Variants in LAMA3 observed in about 807,000 individuals in gnomAD.
The protein encoded by LAMA3 is laminin subunit alpha 3.
A neutral mutation model predicts 402.0 loss-of-function variants in LAMA3; 281 were observed. The ratio of observed to expected loss-of-function variants is 0.70; its 90% CI spans 0.63 to 0.77. The LOEUF (loss-of-function observed/expected upper bound fraction) is 0.77. LAMA3 is among the 30% of genes least tolerant of loss of function. The pLI is 0.00. For missense variants in LAMA3, 3,840 were observed against 4,215.5 expected, an observed-to-expected ratio of 0.91 and a Z score of 2.47; for synonymous variants, 1,431 against 1,558.4, an observed-to-expected ratio of 0.92 and a Z score of 1.93.
Position 23,816,597 on chromosome 18 carries a change from G to A in LAMA3, c.2147+110G>A, listed in dbSNP as rs572511616. On this transcript the variant is annotated intron_variant, in intron 18 of 74. Coordinates refer to ENST00000313654, the MANE Select transcript of LAMA3 (RefSeq NM_198129.4). Reference sequence around the variant, plus strand: ...GAGAGAAGCAGCCCTAAAGATCGAGGTCAGGGGAAGCTGTCCTATGTCAAT... The same window carrying A: ...GAGAGAAGCAGCCCTAAAGATCGAGATCAGGGGAAGCTGTCCTATGTCAAT... The A allele has an allele frequency of 5.8e-6, 5 of 861,516 alleles. No homozygotes were observed. In the Admixed American group the frequency reaches 5.9e-5, roughly 10 times the overall value. The allele number at this position is 861,516 out of a possible 1,614,324, so 53.4% of individuals were successfully genotyped here.
chr18:23,737,042 C>T (rs192628286), intron 2 of LAMA3, among the ~76,000 whole-genome samples: 1 of 152,206 alleles, frequency 6.6e-6, no homozygotes, highest in African/African-American at 2.4e-5. Flanking sequence ...CTAGTCCCCT[C>T]CTCCAGTGGG....
At chr18:23,761,070 T>C (rs2061958150) in intron 7 of LAMA3, among the ~76,000 whole-genome samples, 1 of 152,220 alleles carries the variant, frequency 6.6e-6, no homozygotes, top group Admixed American at 6.5e-5. Flanking sequence ...TAGTATTTTA[T>C]ACATACTTTA....
intron 8 of LAMA3, among the ~76,000 whole-genome samples, chr18:23,764,841 G>T (rs1247706871): frequency 6.6e-6 from 1 of 152,158 alleles, no homozygotes; most frequent in Non-Finnish European, 1.5e-5. Context: ...CAAGGAAAGA[G>T]TTCTGCTTCT....
At chr18:23,932,116 T>C (rs2082177718) in intron 65 of LAMA3, 44 bp from the exon 66 acceptor site, 1 of 1,612,336 alleles carries the variant, frequency 6.2e-7, no homozygotes, top group Non-Finnish European at 8.5e-7. Context: ...AGGGCCCTTT[T>C]TTCCAGCAGT....
intron 50 of LAMA3, 142 bp downstream of exon 50, chr18:23,904,229 C>G: frequency 1.1e-6 from 1 of 925,220 alleles, no homozygotes; most frequent in Non-Finnish European, 1.7e-6. Context: ...GCCAATGCCC[C>G]AGGCCCAAGT....
chr18:23,775,897 G>A lies in LAMA3; in HGVS notation c.1379G>A (p.Gly460Glu), dbSNP rs1022044696. 8 of 1,613,940 alleles carry A rather than the reference G, an allele frequency of 5.0e-6. No individual in the cohort carries two copies. The highest frequency in any genetic ancestry group is 6.8e-6 in the Non-Finnish European group (8 of 1,179,996). Residue 460 changes from glycine to glutamate, a missense_variant, in exon 10 of 75, where the codon GGA becomes GAA. Coordinates refer to ENST00000313654, the MANE Select transcript of LAMA3 (RefSeq NM_198129.4). ...GACAACTGTGAGAAGTGTGCAATTG[G>A]ATACTACAATTTCCCATTTTGCTTG... The part of the protein sequence containing the change: ...HGDNCEKCAI[G>E]YYNFPFCLRI...
intron 2 of LAMA3, 90 bp from the exon 3 acceptor site, chr18:23,747,853 G>C (rs1598709852): frequency 2.4e-6 from 2 of 819,724 alleles, no homozygotes; most frequent in East Asian, 4.9e-5. Flanking sequence ...GGTGGGACGT[G>C]TTGCCTTGGG....
intron 12 of LAMA3, among the ~76,000 whole-genome samples, chr18:23,796,352 G>A (rs772216509): frequency 6.6e-6 from 1 of 152,196 alleles, no homozygotes; most frequent in African/African-American, 2.4e-5. Flanking sequence ...CATATCCACA[G>A]AACTAGAAGT....
chr18:23,839,715 T>G lies in LAMA3; in HGVS notation c.3192-70T>G. 6.5e-7 allele frequency: 1 copy of G among 1,549,712 alleles called. No homozygotes were observed. The highest frequency in any genetic ancestry group is 8.9e-7 in the Non-Finnish European group (1 of 1,122,252). On this transcript the variant is annotated intron_variant, in intron 26 of 74. Transcript: ENST00000313654. This position sits in a 1 kb window ranked among gnomAD's most constrained non-coding sequence, Gnocchi z 4.5. ...CAGTCCTATGCTCCAAGTCTGTCTC[T>G]TCACTGATGGTCAGTTCTGTAGCTT...
At position 23,912,759 on chromosome 18, in the gene LAMA3, C is replaced by A. The variant is rs769792091; in HGVS notation, c.7207C>A (p.Leu2403Met). The change falls in exon 56 of 75, where the codon CTG (leucine) becomes ATG (methionine). Residue 2403 changes from leucine to methionine, a missense_variant. Physicochemically the swap from Leu to Met is conservative, Grantham distance 15 (BLOSUM62 2). Coordinates refer to ENST00000313654, the MANE Select transcript of LAMA3 (RefSeq NM_198129.4). ...FNGKSGVEVRLPNDLEDLKGY... is the reference protein window; with the variant it reads ...FNGKSGVEVRMPNDLEDLKGY... ...TGGTAAATCTGGAGTCGAAGTCCGA[C>A]TGCCAAATGACCTGGAAGATTTGAA... is the stretch of plus-strand genomic sequence containing the variant. 6.2e-7 allele frequency: 1 copy of A among 1,614,114 alleles called. No individual in the cohort carries two copies. Among genetic ancestry groups the A allele is most frequent in the South Asian group, 1.1e-5 (1 of 91,090 alleles).
At chr18:23,928,367 C>T in intron 63 of LAMA3, 127 bp downstream of exon 63, 1 of 758,556 alleles carries the variant, frequency 1.3e-6, no homozygotes, top group Non-Finnish European at 2.4e-6. Flanking sequence ...GGCTCATATA[C>T]ACTCCCCATG....
At chr18:23,880,260 G>A (rs184916311) in intron 39 of LAMA3, among the ~76,000 whole-genome samples, 4 of 152,332 alleles carry the variant, frequency 2.6e-5, no homozygotes. Context: ...ATTCCGGATA[G>A]GGGTGAGCTT....
Position 23,692,119 on chromosome 18 carries a change from G to A in LAMA3, c.294+2142G>A, listed in dbSNP as rs2060600595. ...CAAGTGACTGTACACGTCTTTTGCT[G>A]TCTAAGCTACTAAATCATGGTACTA... On this transcript the variant is annotated intron_variant, in intron 1 of 74. Transcript: ENST00000313654. Among the ~76,000 whole-genome samples, 3 of 152,206 alleles carry A rather than the reference G, an allele frequency of 2.0e-5. No individual in the cohort carries two copies. The South Asian group carries it at 6.2e-4, about 32-fold the overall frequency.
intron 5 of LAMA3, among the ~76,000 whole-genome samples, chr18:23,751,354 T>C (rs1213042406): frequency 6.6e-6 from 1 of 152,188 alleles, no homozygotes; most frequent in Non-Finnish European, 1.5e-5. Context: ...ATGGGATAAT[T>C]AATACTACAG....
At chr18:23,847,769 G>C (rs553182405) in intron 32 of LAMA3, 101 bp downstream of exon 32, 4 of 1,265,194 alleles carry the variant, frequency 3.2e-6, no homozygotes, top group Admixed American at 2.0e-5. Context: ...ACCTGTCCAG[G>C]GGTGCCCTGT....
At chr18:23,948,536 C>A (rs1359585384) in intron 70 of LAMA3, among the ~76,000 whole-genome samples, 2 of 152,046 alleles carry the variant, frequency 1.3e-5, no homozygotes, top group Non-Finnish European at 2.9e-5. Flanking sequence ...GATGCTGGCA[C>A]CATGTGCATT....
At chr18:23,902,988 A>AT (rs745874853) in intron 48 of LAMA3, 21 bp from the exon 49 acceptor site, 429 of 1,420,514 alleles carry the variant, frequency 3.0e-4, no homozygotes, top group African/African-American at 6.5e-4. Flanking sequence ...AGCTCAAGCA[A>AT]TTTTTTTTTA....
chr18:23,774,756 T>G (rs1427107966), intron 9 of LAMA3, among the ~76,000 whole-genome samples: 1 of 152,226 alleles, frequency 6.6e-6, no homozygotes, highest in Non-Finnish European at 1.5e-5. Flanking sequence ...TTGTGGGTAT[T>G]AAAGTCCAGG....
chr18:23,762,888 G>T (rs554732068), intron 7 of LAMA3, among the ~76,000 whole-genome samples: 3 of 143,884 alleles, frequency 2.1e-5, no homozygotes, highest in South Asian at 4.4e-4. Context: ...ATGGAGTCTC[G>T]CTCTGTCACC....
Sources: allele counts gnomAD v4.1 joint callset (sites outside exome capture counted in the v4.1 genomes callset), GRCh38; gene constraint gnomAD v4.1.1; non-coding constraint Gnocchi (gnomAD v3.1); transcripts MANE v1.5; gene names NCBI Gene and HGNC (gene_info 2026-07-23, HGNC 2026-07-21).